MAPRE1: variants seen among roughly 807,000 people sequenced by gnomAD.
MAPRE1 encodes the protein microtubule-associated protein RP/EB family member 1.
MAPRE1 carries 5 observed loss-of-function variants against 32.1 expected under a neutral mutation model. The observed-to-expected ratio is 0.16, with a 90% CI of 0.08 to 0.33. MAPRE1 has a LOEUF of 0.33. MAPRE1 is among the 10% of genes least tolerant of loss of function. The pLI, the probability that MAPRE1 is intolerant of heterozygous loss-of-function variation, is 1.00. For synonymous variants in MAPRE1, 122 were observed against 118.9 expected, an observed-to-expected ratio of 1.03 and a Z score of -0.17; for missense variants, 209 against 327.2, an observed-to-expected ratio of 0.64 and a Z score of 2.79.
At chr20:32,831,772 TGATCTGCCCGC>T (rs1983033621) in intron 2 of MAPRE1, among the ~76,000 whole-genome samples, 2 of 152,158 alleles carry the variant, frequency 1.3e-5, no homozygotes, top group South Asian at 4.1e-4. Context: ...TGACTTCAGG[TGATCTGCCCGC>T]CTTGGCCTTC....
chr20:32,830,097 T>C (rs1982975301), intron 2 of MAPRE1, among the ~76,000 whole-genome samples: 1 of 152,168 alleles, frequency 6.6e-6, no homozygotes, highest in African/African-American at 2.4e-5. Context: ...TCTCACTGAA[T>C]GTATTCGGCT....
At chr20:32,820,210 CGCGCT>C (rs1325872813) in intron 1 of MAPRE1, among the ~76,000 whole-genome samples, 182 bp downstream of exon 1, 2 of 136,336 alleles carry the variant, frequency 1.5e-5, no homozygotes, top group African/African-American at 5.8e-5. Context: ...CCTGGGGGCG[CGCGCT>C]GCGCTCTGCT....
At chr20:32,842,806 G>A (rs1461058840) in intron 5 of MAPRE1, among the ~76,000 whole-genome samples, 3 of 152,202 alleles carry the variant, frequency 2.0e-5, no homozygotes, top group African/African-American at 4.8e-5. Context: ...TGAGGGTTAC[G>A]GAAGGCAAGA....
chr20:32,836,759 A>T lies in MAPRE1; in HGVS notation c.393A>T (p.Gln131His). ...GKDYDPVAAR[Q>H]GQETAVAPSL... The stretch of plus-strand genomic sequence containing the variant: ...ACTATGACCCTGTGGCTGCCAGACA[A>T]GGTCAAGAAACTGCAGTGGCTCCTT... The change falls in exon 4 of 7, where the codon CAA (glutamine) becomes CAT (histidine). Residue 131 changes from glutamine to histidine, a missense_variant. Gln to His is a conservative substitution (Grantham distance 24). This residue lies in a region of MAPRE1 where 106 missense variants were observed against 115.3 expected (regional missense o/e 0.92). Coordinates refer to ENST00000375571, the MANE Select transcript of MAPRE1 (RefSeq NM_012325.3). The T allele has an allele frequency of 6.2e-7, 1 of 1,614,138 alleles. No individual in the cohort carries two copies. The highest frequency in any genetic ancestry group is 8.5e-7 in the Non-Finnish European group (1 of 1,179,964).
At chr20:32,844,553 T>C (rs1983453247) in intron 5 of MAPRE1, among the ~76,000 whole-genome samples, 1 of 138,442 alleles carries the variant, frequency 7.2e-6, no homozygotes, top group Non-Finnish European at 1.5e-5. Context: ...TAGGTGGGAC[T>C]ACAGGTGCAC....
chr20:32,849,842 A>T lies in MAPRE1; in HGVS notation c.*1114A>T, dbSNP rs150192359. 1.7e-3 allele frequency: 265 copies of T among 152,752 alleles called. 1 individual carries two copies. Among genetic ancestry groups the T allele is most frequent in the African/African-American group, 5.8e-3 (243 of 41,578 alleles). 9.5% of individuals were successfully genotyped at this position (152,752 alleles called of 1,614,324 possible). ...CTGCTGTTCACAGCTCTCCACTGTAATCCGAATACTTTGCCAGTGCACTAA... is the reference window on the plus strand; with the variant it reads ...CTGCTGTTCACAGCTCTCCACTGTATTCCGAATACTTTGCCAGTGCACTAA... On this transcript the variant is annotated 3_prime_UTR_variant, in exon 7 of 7. Coordinates refer to ENST00000375571, the MANE Select transcript of MAPRE1 (RefSeq NM_012325.3).
At chr20:32,841,018 A>G (rs1198873814) in intron 5 of MAPRE1, among the ~76,000 whole-genome samples, 6 of 151,934 alleles carry the variant, frequency 3.9e-5, no homozygotes, top group African/African-American at 1.2e-4. Flanking sequence ...GTTTCACCAT[A>G]TTGGCCAGGC....
At chr20:32,835,875 G>A (rs1294921411) in intron 3 of MAPRE1, among the ~76,000 whole-genome samples, 1 of 152,004 alleles carries the variant, frequency 6.6e-6, no homozygotes, top group Admixed American at 6.6e-5. Flanking sequence ...CAAAGTGTTG[G>A]GATTACAGGT....
intron 2 of MAPRE1, among the ~76,000 whole-genome samples, chr20:32,829,521 C>A (rs932425753): frequency 1.3e-5 from 2 of 152,244 alleles, no homozygotes; most frequent in African/African-American, 4.8e-5. Flanking sequence ...GGCTCCTCAA[C>A]TCCTTGTGCT....
intron 5 of MAPRE1, among the ~76,000 whole-genome samples, chr20:32,841,528 C>T (rs1361241094): frequency 6.6e-6 from 1 of 151,386 alleles, no homozygotes; most frequent in Admixed American, 6.6e-5. Flanking sequence ...AGGTTAGTTA[C>T]ATATGTATAC....
chr20:32,828,669 C>G (rs1043591549), intron 2 of MAPRE1, among the ~76,000 whole-genome samples: 1 of 152,196 alleles, frequency 6.6e-6, no homozygotes, highest in African/African-American at 2.4e-5. Context: ...GTGCCAGACC[C>G]TGGAAATGAG....
chr20:32,831,316 A>G (rs1050546456), intron 2 of MAPRE1, among the ~76,000 whole-genome samples: 2 of 152,168 alleles, frequency 1.3e-5, no homozygotes, highest in Non-Finnish European at 2.9e-5. Context: ...TCATACTCGC[A>G]TAAAAGTCTA....
intron 3 of MAPRE1, among the ~76,000 whole-genome samples, chr20:32,835,123 G>A (rs1464116066): frequency 2.0e-5 from 3 of 152,126 alleles, no homozygotes; most frequent in African/African-American, 7.2e-5. Flanking sequence ...TACTCTGGAG[G>A]TTGAGGCAGG....
chr20:32,834,584 T>A (rs1357323176), intron 3 of MAPRE1, among the ~76,000 whole-genome samples: 6 of 152,088 alleles, frequency 3.9e-5, no homozygotes, highest in African/African-American at 1.4e-4. Context: ...ACACCCCCAA[T>A]TATCTTGCTG....
rs572412051 is a variant in MAPRE1 at position 32,844,663 on chromosome 20, T to G, written c.598-1955T>G. Among the ~76,000 whole-genome samples, 13 of 152,114 alleles carry G rather than the reference T, an allele frequency of 8.5e-5. 1 individual carries two copies. In the South Asian group the frequency reaches 2.5e-3, roughly 29 times the overall value. On this transcript the variant is annotated intron_variant, in intron 5 of 6. Coordinates refer to ENST00000375571, the MANE Select transcript of MAPRE1 (RefSeq NM_012325.3). ...TCTTGACCTCGTGATCCGCCTGCCT[T>G]GGCCTCCCAAAGTGCTGGGATTACA...
intron 1 of MAPRE1, among the ~76,000 whole-genome samples, chr20:32,820,669 T>C (rs564303366): frequency 3.3e-5 from 5 of 152,336 alleles, no homozygotes; most frequent in Admixed American, 3.3e-4. Context: ...CCTGGCTGTT[T>C]TCCCGGGAAC....
intron 2 of MAPRE1, among the ~76,000 whole-genome samples, 166 bp downstream of exon 2, chr20:32,826,214 CTTT>C (rs3092521): frequency 0.13 from 13,780 of 108,878 alleles, 784 homozygotes; most frequent in East Asian, 0.38. Flanking sequence ...TCCAAAGGAA[CTTT>C]TTTTTTTTTT....
intron 5 of MAPRE1, among the ~76,000 whole-genome samples, chr20:32,843,982 T>G (rs1983434655): frequency 6.6e-6 from 1 of 152,084 alleles, no homozygotes; most frequent in Non-Finnish European, 1.5e-5. Context: ...GCCTCCCAAG[T>G]AGCTAGGATT....
chr20:32,821,041 G>A (rs1221544909), intron 1 of MAPRE1, among the ~76,000 whole-genome samples: 3 of 81,702 alleles, frequency 3.7e-5, no homozygotes, highest in Admixed American at 1.3e-4. Flanking sequence ...TTTTTTTTTT[G>A]AGACAGAGTT....
Sources: gnomAD v4.1 joint callset for allele counts (sites outside exome capture counted in the v4.1 genomes callset) on GRCh38, gnomAD v4.1.1 for gene constraint, gnomAD v4.1.1 regional missense constraint, MANE v1.5 for transcripts, NCBI Gene and HGNC (gene_info 2026-07-23, HGNC 2026-07-21) for gene names.